The following TGDS variants were observed in gnomAD, a reference collection of about 807,000 sequenced individuals.
TGDS encodes the protein UDP-D-glucose 4,6-dehydratase.
A neutral mutation model predicts 52.3 loss-of-function variants in TGDS; 47 were observed. The ratio of observed to expected loss-of-function variants is 0.90; its 90% CI spans 0.71 to 1.15. TGDS has a LOEUF of 1.15. Among genes scored for constraint, TGDS ranks in the 50% most tolerant of loss-of-function variants. The pLI, the probability that TGDS is intolerant of heterozygous loss-of-function variation, is 0.00. For synonymous variants in TGDS, 115 were observed against 136.9 expected, an observed-to-expected ratio of 0.84 and a Z score of 1.12; for missense variants, 375 against 418.4, an observed-to-expected ratio of 0.90 and a Z score of 0.90.
rs534442681 is a variant in TGDS at position 94,580,950 on chromosome 13, G to A, written c.555+141C>T. On this transcript the variant is annotated intron_variant, in intron 6 of 11. Transcript: ENST00000261296. ...GGTCAGGAGTTCGAGACCAGCCTGA[G>A]TGTCAGATTGCGACTGTCTCCGAAC... The A allele has an allele frequency of 7.4e-4, 348 of 468,658 alleles. 1 individual carries two copies. The highest frequency in any genetic ancestry group is 6.3e-3 in the African/African-American group (314 of 50,226). The allele number at this position is 468,658 out of a possible 1,614,324, so 29.0% of individuals were successfully genotyped here.
chr13:94,589,560 C>T (rs565683222), intron 4 of TGDS, among the ~76,000 whole-genome samples: 3 of 152,176 alleles, frequency 2.0e-5, no homozygotes, highest in South Asian at 2.1e-4. Flanking sequence ...GTGATCCACC[C>T]GCCTCAGCCT....
chr13:94,588,421 C>CAAAAAAAAAAAAAAAAAAAAAAAAA (rs150186125), intron 4 of TGDS, among the ~76,000 whole-genome samples: 1 of 58,490 alleles, frequency 1.7e-5, no homozygotes, highest in Admixed American at 2.8e-4. Context: ...GACTCTGTCT[C>CAAAAAAAAAAAAAAAAAAAAAAAAA]AAAAAAAAAA....
Position 94,574,772 on chromosome 13 carries a change from TA to T in TGDS, c.*9del. The T allele has an allele frequency of 6.3e-7, 1 of 1,576,518 alleles. No homozygotes were observed. The highest frequency in any genetic ancestry group is 1.7e-5 in the Admixed American group (1 of 58,988). On this transcript the variant is annotated 3_prime_UTR_variant, in exon 12 of 12. Coordinates refer to ENST00000261296, the MANE Select transcript of TGDS (RefSeq NM_014305.4). ...TTCTTTGACAACTGTCTCGACTATA[TA>T]AATGGTGATTATACCGGAAAGGGTT...
intron 4 of TGDS, among the ~76,000 whole-genome samples, chr13:94,587,501 G>C (rs1889032740): frequency 6.6e-6 from 1 of 151,266 alleles, no homozygotes; most frequent in Non-Finnish European, 1.5e-5. Flanking sequence ...ATAGAGCCGA[G>C]AAACAAAAGC....
chr13:94,593,127 C>A (rs1889265433), intron 2 of TGDS, among the ~76,000 whole-genome samples: 1 of 151,892 alleles, frequency 6.6e-6, no homozygotes, highest in East Asian at 1.9e-4. Flanking sequence ...GCACTCCAGC[C>A]TGGCAACAGA....
chr13:94,594,319 T>C (rs1326205267), intron 1 of TGDS, among the ~76,000 whole-genome samples: 2 of 152,228 alleles, frequency 1.3e-5, no homozygotes, highest in Non-Finnish European at 2.9e-5. Flanking sequence ...GAAATTACTA[T>C]GAGTATAGTC....
At chr13:94,578,934 A>G (rs1246009306) in intron 7 of TGDS, among the ~76,000 whole-genome samples, 161 bp from the exon 8 acceptor site, 1 of 152,170 alleles carries the variant, frequency 6.6e-6, no homozygotes, top group Non-Finnish European at 1.5e-5. Context: ...TTTGATATGT[A>G]AAAGAACTCC....
At chr13:94,576,549 A>G (rs543443819) in intron 10 of TGDS, 138 bp from the exon 11 acceptor site, 2 of 482,202 alleles carry the variant, frequency 4.1e-6, no homozygotes, top group South Asian at 5.8e-5. Flanking sequence ...TTTTCTGCAG[A>G]AAGTCTGTAA....
intron 4 of TGDS, 72 bp from the exon 5 acceptor site, chr13:94,583,308 G>C: frequency 6.6e-7 from 1 of 1,505,650 alleles, no homozygotes; most frequent in East Asian, 2.4e-5. Flanking sequence ...GATGGACTCA[G>C]GTTTAAGGAG....
rs564693179 is a variant in TGDS, at chr13:94,588,812, G to A, written c.313+2041C>T. 4.6e-5 allele frequency among the ~76,000 whole-genome samples: 7 copies of A among 152,292 alleles called. No individual in the cohort carries two copies. In the South Asian group the frequency reaches 1.2e-3, roughly 27 times the overall value. On this transcript the variant is annotated intron_variant, in intron 4 of 11. Coordinates refer to ENST00000261296, the MANE Select transcript of TGDS (RefSeq NM_014305.4). ...AAATCATTGTATTCGTCAATATAGTGCGTAATCAGACAGGCAGAGACAAAT... is the reference window on the plus strand; with the variant it reads ...AAATCATTGTATTCGTCAATATAGTACGTAATCAGACAGGCAGAGACAAAT...
intron 1 of TGDS, chr13:94,595,847 G>A (rs563312542): frequency 2.0e-4 from 124 of 628,454 alleles, no homozygotes; most frequent in Admixed American, 3.1e-4. Flanking sequence ...TGGAAGAGGC[G>A]TTTTAAAGAA....
chr13:94,576,349 G>T lies in TGDS; in HGVS notation c.947C>A (p.Pro316His), dbSNP rs755393384. The T allele has an allele frequency of 6.2e-7, 1 of 1,605,518 alleles. No homozygotes were observed. The highest frequency in any genetic ancestry group is 8.5e-7 in the Non-Finnish European group (1 of 1,175,850). Residue 316 changes from proline (P) to histidine (H), a missense_variant, in exon 11 of 12, where the codon CCT (proline) becomes CAT (histidine). Coordinates refer to ENST00000261296, the MANE Select transcript of TGDS (RefSeq NM_014305.4). Reference protein sequence around the residue: ...SEKIHGLGWRPKVPWKEGIKK... With the variant: ...SEKIHGLGWRHKVPWKEGIKK... ...TATTCCTTCTTTCCAAGGCACTTTAGGTCTCCATCCTAAGCCATGTATTTT... is the reference window on the plus strand; with the variant it reads ...TATTCCTTCTTTCCAAGGCACTTTATGTCTCCATCCTAAGCCATGTATTTT...
rs762709267 is a variant in TGDS, at chr13:94,596,111, G to C, written c.26C>G (p.Pro9Arg). 1 of 1,614,146 alleles carries C rather than the reference G, an allele frequency of 6.2e-7. No individual in the cohort carries two copies. The highest frequency in any genetic ancestry group is 1.1e-5 in the South Asian group (1 of 91,084). MSAACWEE[P>R]WGLPGGFAKR... ...CGCAAAGCCGCCGGGAAGACCCCAC[G>C]GTTCCTCCCAACACGCCGCCGACAT... The change falls in exon 1 of 12, where the codon CCG becomes CGG. Residue 9 changes from proline to arginine, a missense_variant. Pro to Arg is a moderately radical substitution (Grantham distance 103). Transcript: ENST00000261296.
chr13:94,594,667 C>G (rs1226924009), intron 1 of TGDS, among the ~76,000 whole-genome samples: 1 of 152,168 alleles, frequency 6.6e-6, no homozygotes, highest in African/African-American at 2.4e-5. Context: ...TCGCACCCTT[C>G]CTGGACCCGC....
In TGDS at chr13:94,591,020, C is replaced by T. The variant is rs1322456695; in HGVS notation, c.223-77G>A. The T allele has an allele frequency of 7.6e-6, 7 of 917,570 alleles. No homozygotes were observed. The East Asian group carries it at 1.1e-4, about 15-fold the overall frequency. The allele number at this position is 917,570 out of a possible 1,614,324, so 56.8% of individuals were successfully genotyped here. On this transcript the variant is annotated intron_variant, in intron 3 of 11. Coordinates refer to ENST00000261296, the MANE Select transcript of TGDS (RefSeq NM_014305.4). ...TTCATAACCATTTTTACTATAGCAT[C>T]CCCCTACCTCCCACCTCCCTGTTTA... is the stretch of plus-strand genomic sequence containing the variant.
Position 94,588,421 on chromosome 13 carries a change from C to CAAAAAAAAA in TGDS, c.313+2423_313+2431dup, listed in dbSNP as rs150186125. On this transcript the variant is annotated intron_variant, in intron 4 of 11. Coordinates refer to ENST00000261296, the MANE Select transcript of TGDS (RefSeq NM_014305.4). Reference sequence around the variant, plus strand: ...CTGGGCAATCAGCGAGACTCTGTCTCAAAAAAAAAAAAAAAAAAAAAAAAA... The same window carrying CAAAAAAAAA: ...CTGGGCAATCAGCGAGACTCTGTCTCAAAAAAAAAAAAAAAAAAAAAAAAAAAAAAAAAA... Among the ~76,000 whole-genome samples the CAAAAAAAAA allele has an allele frequency of 3.8e-4, 22 of 58,490 alleles. 1 individual carries two copies. The highest frequency in any genetic ancestry group is 1.4e-3 in the African/African-American group (20 of 14,396). The allele number at this position is 58,490 out of a possible 152,430, so 38.4% of individuals were successfully genotyped here. A position where few individuals can be genotyped will look rare whatever the true frequency, so the allele number is the denominator to read the frequency against.
rs1276588170 is a variant in TGDS, at chr13:94,577,381, C to A, written c.874G>T (p.Val292Phe). The A allele has an allele frequency of 1.3e-5, 20 of 1,573,728 alleles. No homozygotes were observed. Among genetic ancestry groups the A allele is most frequent in the Non-Finnish European group, 1.7e-5 (20 of 1,164,476 alleles). ...TAACTTGTTACTCACCTATCATTAA[C>A]ATAATCAACCCAATTTTCCATTTCA... ...ESEMENWVDY[V>F]NDRPTNDMRY... is the part of the protein sequence containing the mutation. The change falls in exon 10 of 12, where the codon GTT (valine) becomes TTT (phenylalanine). Residue 292 changes from valine (V) to phenylalanine (F), a missense_variant. By Grantham distance (50) the Val-to-Phe change is conservative (BLOSUM62 -1). Coordinates refer to ENST00000261296, the MANE Select transcript of TGDS (RefSeq NM_014305.4).
intron 3 of TGDS, among the ~76,000 whole-genome samples, chr13:94,591,246 A>AC (rs1470178647): frequency 1.1e-4 from 16 of 152,200 alleles, no homozygotes; most frequent in Non-Finnish European, 1.8e-4. Context: ...TTAATACAAA[A>AC]CTTTTTTTAG....
chr13:94,575,220 T>C (rs1888555263), intron 11 of TGDS, among the ~76,000 whole-genome samples: 1 of 151,758 alleles, frequency 6.6e-6, no homozygotes, highest in East Asian at 1.9e-4. Flanking sequence ...TATAATACAG[T>C]GTTTAGTCGT....
Sources: allele counts gnomAD v4.1 joint callset (sites outside exome capture counted in the v4.1 genomes callset), GRCh38; gene constraint gnomAD v4.1.1; transcripts MANE v1.5; gene names NCBI Gene and HGNC (gene_info 2026-07-23, HGNC 2026-07-21).